ADAMTS9: variants seen among roughly 807,000 people sequenced by gnomAD.
ADAMTS9 encodes ADAM metallopeptidase with thrombospondin type 1 motif 9.
A neutral mutation model predicts 257.1 loss-of-function variants in ADAMTS9; 107 were observed. That is an observed-to-expected ratio of 0.42 (90% CI 0.36 to 0.49). The LOEUF is 0.49. Among genes scored for constraint, ADAMTS9 ranks in the 20% least tolerant of loss-of-function variants. The pLI, the probability that ADAMTS9 is intolerant of heterozygous loss-of-function variation, is 0.03. For synonymous variants in ADAMTS9, 982 were observed against 880.9 expected, an observed-to-expected ratio of 1.11 and a Z score of -2.03; for missense variants, 2,353 against 2,469.1, an observed-to-expected ratio of 0.95 and a Z score of 1.00.
intron 28 of ADAMTS9, among the ~76,000 whole-genome samples, chr3:64,573,674 A>T (rs1392263357): frequency 6.6e-6 from 1 of 152,216 alleles, no homozygotes; most frequent in African/African-American, 2.4e-5. Flanking sequence ...ACTTTAACAA[A>T]ACATAAAATC....
At chr3:64,542,616 G>C (rs2083140772) in intron 32 of ADAMTS9, among the ~76,000 whole-genome samples, 1 of 151,990 alleles carries the variant, frequency 6.6e-6, no homozygotes, top group Admixed American at 6.6e-5. Context: ...TATTAAAGCA[G>C]TGTGTAGAGG....
chr3:64,536,607 A>G (rs2083053017), intron 37 of ADAMTS9, among the ~76,000 whole-genome samples: 1 of 152,170 alleles, frequency 6.6e-6, no homozygotes, highest in Non-Finnish European at 1.5e-5. Flanking sequence ...TCCAGACTCT[A>G]CTGAGCGGCA....
At chr3:64,621,581 G>C (rs1010380632) in intron 18 of ADAMTS9, among the ~76,000 whole-genome samples, 1 of 151,870 alleles carries the variant, frequency 6.6e-6, no homozygotes, top group Non-Finnish European at 1.5e-5. Context: ...GGCTAACGTG[G>C]TGAAACCCGT....
At chr3:64,593,268 T>C (rs2084295428) in intron 28 of ADAMTS9, among the ~76,000 whole-genome samples, 1 of 152,184 alleles carries the variant, frequency 6.6e-6, no homozygotes, top group African/African-American at 2.4e-5. Context: ...CTCTTAGAAA[T>C]GTCAACAGGT....
chr3:64,680,219 G>A (rs908484927), intron 3 of ADAMTS9, among the ~76,000 whole-genome samples: 2 of 152,214 alleles, frequency 1.3e-5, no homozygotes, highest in Admixed American at 6.5e-5. Context: ...GGGAGCATTT[G>A]AGGAAACTCC....
intron 31 of ADAMTS9, among the ~76,000 whole-genome samples, chr3:64,547,385 G>A (rs564398231): frequency 8.6e-5 from 13 of 151,946 alleles, no homozygotes; most frequent in Admixed American, 4.6e-4. Context: ...TCGGCATTTT[G>A]AGTGTGAAAT....
chr3:64,596,128 T>C (rs2084360234), intron 27 of ADAMTS9, among the ~76,000 whole-genome samples: 1 of 152,244 alleles, frequency 6.6e-6, no homozygotes, highest in African/African-American at 2.4e-5. Flanking sequence ...TCATAAATAC[T>C]AAGAAGTTGG....
At chr3:64,661,003 G>C (rs1311175101) in intron 3 of ADAMTS9, among the ~76,000 whole-genome samples, 2 of 152,186 alleles carry the variant, frequency 1.3e-5, no homozygotes, top group East Asian at 3.9e-4. Context: ...ATTTGTGGTT[G>C]GAAGACAGGA....
At chr3:64,633,380 A>G in intron 14 of ADAMTS9, 92 bp downstream of exon 14, 1 of 1,549,114 alleles carries the variant, frequency 6.5e-7, no homozygotes, top group Non-Finnish European at 8.7e-7. Context: ...AACAGTGCAC[A>G]GATACTAGCA....
intron 26 of ADAMTS9, among the ~76,000 whole-genome samples, chr3:64,601,713 A>G (rs146858026): frequency 8.5e-5 from 13 of 152,216 alleles, no homozygotes; most frequent in Non-Finnish European, 1.6e-4. Context: ...TCACCTAGCC[A>G]TGATATCCCC....
chr3:64,595,627 C>T (rs1417324744), intron 27 of ADAMTS9, among the ~76,000 whole-genome samples: 1 of 152,168 alleles, frequency 6.6e-6, no homozygotes, highest in Non-Finnish European at 1.5e-5. Flanking sequence ...CTTTTCTTTC[C>T]CTTCAACAAA....
At chr3:64,631,985 A>G in intron 14 of ADAMTS9, 60 bp from the exon 15 acceptor site, 1 of 1,275,208 alleles carries the variant, frequency 7.8e-7, no homozygotes, top group Non-Finnish European at 1.1e-6. Context: ...AAAATGGCAA[A>G]TAATGTGTTT....
At chr3:64,624,071 G>A (rs1192649220) in intron 16 of ADAMTS9, among the ~76,000 whole-genome samples, 1 of 151,536 alleles carries the variant, frequency 6.6e-6, no homozygotes, top group Admixed American at 6.6e-5. Flanking sequence ...GCAGGAGGGA[G>A]GGGGGATGGG....
intron 12 of ADAMTS9, among the ~76,000 whole-genome samples, chr3:64,635,084 A>G (rs1700462333): frequency 6.6e-6 from 1 of 152,152 alleles, no homozygotes; most frequent in African/African-American, 2.4e-5. Context: ...CTTCATGTCA[A>G]CACTGCCCAA....
At chr3:64,620,393 T>C (rs2106858736) in intron 19 of ADAMTS9, among the ~76,000 whole-genome samples, 1 of 151,238 alleles carries the variant, frequency 6.6e-6, no homozygotes, top group East Asian at 2.0e-4. Flanking sequence ...CACATTCCTA[T>C]ACCACTCTCC....
chr3:64,640,528 C>T (rs1700611483), intron 12 of ADAMTS9, among the ~76,000 whole-genome samples: 2 of 152,254 alleles, frequency 1.3e-5, no homozygotes, highest in South Asian at 4.1e-4. Context: ...TATCCGTGAT[C>T]TAAGCTATTA....
At chr3:64,607,668 G>A (rs1467007467) in intron 22 of ADAMTS9, among the ~76,000 whole-genome samples, 1 of 152,106 alleles carries the variant, frequency 6.6e-6, no homozygotes, top group African/African-American at 2.4e-5. Context: ...GGCAGACTAG[G>A]GAGCTCCAAG....
At position 64,541,037 on chromosome 3, in the gene ADAMTS9, T is replaced by C. The variant is rs2083114015; in HGVS notation, c.5521+58A>G. 13 of 1,602,622 alleles carry C rather than the reference T, an allele frequency of 8.1e-6. No individual in the cohort carries two copies. In the East Asian group the frequency reaches 2.7e-4, roughly 33 times the overall value. On this transcript the variant is annotated intron_variant, in intron 36 of 39. Coordinates refer to ENST00000498707, the MANE Select transcript of ADAMTS9 (RefSeq NM_182920.2). ...TGCTAGCCAATGTGCAAGACATGCT[T>C]GCTGTCTGAATGGAGAGAAGAACGC...
At chr3:64,674,878 A>G (rs537447638) in intron 3 of ADAMTS9, among the ~76,000 whole-genome samples, 13 of 152,308 alleles carry the variant, frequency 8.5e-5, no homozygotes, top group Admixed American at 2.6e-4. Flanking sequence ...ATGCTAAATT[A>G]TTAATGGGAT....
Sources: allele counts gnomAD v4.1 joint callset (sites outside exome capture counted in the v4.1 genomes callset), GRCh38; gene constraint gnomAD v4.1.1; transcripts MANE v1.5; gene names NCBI Gene and HGNC (gene_info 2026-07-23, HGNC 2026-07-21).